Variants in BBS4 observed in about 807,000 individuals in gnomAD.
The protein encoded by BBS4 is BBSome complex member BBS4.
Under a neutral mutation model 71.4 loss-of-function variants are expected in BBS4, and 58 were observed. The ratio of observed to expected loss-of-function variants is 0.81; its 90% CI spans 0.66 to 1.01. The LOEUF is 1.01. BBS4 is among the 50% of genes least tolerant of loss of function. The probability of loss-of-function intolerance (pLI) is 0.00; values close to 1 mark genes in which losing one functional copy is unlikely to be tolerated. For missense variants in BBS4, 660 were observed against 607.9 expected (o/e 1.09, Z -0.90); for synonymous variants, 228 against 216.8 (o/e 1.05, Z -0.46).
rs1250520385 is a variant in BBS4, at chr15:72,735,098, C to G, written c.1037-15C>G. ...TAAGCTGAGCTCTCCAGCTGCAGTGCTTTCTTTGTTGCAGTGGCTCTGACC... is the reference window on the plus strand; with the variant it reads ...TAAGCTGAGCTCTCCAGCTGCAGTGGTTTCTTTGTTGCAGTGGCTCTGACC... On this transcript the variant is annotated splice_polypyrimidine_tract_variant and intron_variant, in intron 12 of 15. Transcript: ENST00000268057. The G allele has an allele frequency of 6.2e-7, 1 of 1,607,822 alleles. No individual in the cohort carries two copies. The highest frequency in any genetic ancestry group is 8.5e-7 in the Non-Finnish European group (1 of 1,174,448).
At chr15:72,710,394 G>A (rs2065347051) in intron 3 of BBS4, among the ~76,000 whole-genome samples, 1 of 151,806 alleles carries the variant, frequency 6.6e-6, no homozygotes, top group South Asian at 2.1e-4. Context: ...TAGAGATGGG[G>A]TTTCACCATA....
In BBS4 at chr15:72,689,154, A is replaced by T. The variant is rs552151451; in HGVS notation, c.24+2903A>T. Reference sequence around the variant, plus strand: ...TCTTAATTTCATAACACAAAGGAAAACATATAGATCCGTAGATAAGGATAT... The same window carrying T: ...TCTTAATTTCATAACACAAAGGAAATCATATAGATCCGTAGATAAGGATAT... On this transcript the variant is annotated intron_variant, in intron 1 of 15. Coordinates refer to ENST00000268057, the MANE Select transcript of BBS4 (RefSeq NM_033028.5). Among the ~76,000 whole-genome samples, 4 of 152,340 alleles carry T rather than the reference A, an allele frequency of 2.6e-5. No homozygotes were observed. In the East Asian group the frequency reaches 7.7e-4, roughly 29 times the overall value.
rs2065034376 is a variant in BBS4 at position 72,694,160 on chromosome 15, C to T, written c.25-1017C>T. On this transcript the variant is annotated intron_variant, in intron 1 of 15. Coordinates refer to ENST00000268057, the MANE Select transcript of BBS4 (RefSeq NM_033028.5). ...TTGGCCTCCCAAAGTGCTGCAATTA[C>T]AGGCATGAGGCACGGCGTCTGGCCT... is the stretch of plus-strand genomic sequence containing the variant. Among the ~76,000 whole-genome samples the T allele has an allele frequency of 4.0e-5, 6 of 150,818 alleles. No homozygotes were observed. In the Admixed American group the frequency reaches 4.0e-4, roughly 10 times the overall value.
Position 72,731,334 on chromosome 15 carries a change from G to A in BBS4, c.741G>A (p.Gln247=), listed in dbSNP as rs368525772. 3.0e-5 allele frequency: 48 copies of A among 1,614,012 alleles called. No individual in the cohort carries two copies. The highest frequency in any genetic ancestry group is 3.6e-5 in the Non-Finnish European group (43 of 1,180,032). Residue 247 remains glutamine (Q), a synonymous_variant, in exon 11 of 16, where the codon CAG becomes CAA. Transcript: ENST00000268057. ...KAILAAGSMM[Q]THGDFDVALT... is the part of the protein sequence containing the mutation. ...TCTTGGCAGCAGGCAGCATGATGCA[G>A]ACCCACGGGGACTTTGATGTTGCCC...
rs79153680 is a variant in BBS4, at chr15:72,708,359, G to A, written c.77-1341G>A. 9.8e-3 allele frequency among the ~76,000 whole-genome samples: 1,485 copies of A among 152,232 alleles called. 18 individuals are homozygous for A. Among genetic ancestry groups the A allele is most frequent in the African/African-American group, 0.034 (1,408 of 41,518 alleles). On this transcript the variant is annotated intron_variant, in intron 2 of 15. Transcript: ENST00000268057. ...CCGGCTGGAGCTGTGGCAGAGGAAC[G>A]TAAATTGTGATTATTTCATGGACAC...
chr15:72,730,442 A>T (rs1177201988), intron 10 of BBS4, among the ~76,000 whole-genome samples: 4 of 152,068 alleles, frequency 2.6e-5, no homozygotes, highest in Admixed American at 2.6e-4. Flanking sequence ...TACAAAAAAA[A>T]TTATCCAGGC....
rs1567436667 is a variant in BBS4 at position 72,737,803 on chromosome 15, T to C, written c.*216T>C. On this transcript the variant is annotated 3_prime_UTR_variant, in exon 16 of 16. Coordinates refer to ENST00000268057, the MANE Select transcript of BBS4 (RefSeq NM_033028.5). ...CTACTGCCCCATAAGCCAGGAAAAG[T>C]GAAAAGAGAACACAGTTCCTTTAAG... The C allele has an allele frequency of 6.9e-6, 4 of 578,452 alleles. No homozygotes were observed. Among genetic ancestry groups the C allele is most frequent in the Admixed American group, 4.3e-5 (2 of 46,126 alleles). 35.8% of individuals were successfully genotyped at this position (578,452 alleles called of 1,614,324 possible). A position where few individuals can be genotyped will look rare whatever the true frequency, so the allele number is the denominator to read the frequency against.
At chr15:72,727,850 T>G (rs1295042492) in intron 8 of BBS4, 90 bp from the exon 9 acceptor site, 1 of 992,558 alleles carries the variant, frequency 1.0e-6, no homozygotes, top group South Asian at 1.3e-5. Context: ...GTGGGGTCTG[T>G]CAAGTATTGC....
chr15:72,735,764 G>T, intron 13 of BBS4, 61 bp from the exon 14 acceptor site: 1 of 1,604,586 alleles, frequency 6.2e-7, no homozygotes. Flanking sequence ...TAATGAGAAG[G>T]ATCTCTAAAT....
chr15:72,723,548 C>T (rs953258783), intron 7 of BBS4, among the ~76,000 whole-genome samples: 2 of 152,118 alleles, frequency 1.3e-5, no homozygotes, highest in African/African-American at 2.4e-5. Flanking sequence ...TCCGATGCCA[C>T]CAGGACTGAG....
intron 2 of BBS4, chr15:72,697,932 A>G (rs2151000803): frequency 2.2e-6 from 1 of 455,222 alleles, no homozygotes; most frequent in East Asian, 7.0e-5. Flanking sequence ...TTCTGAGAAA[A>G]TAATATGCTA....
At chr15:72,726,275 C>G (rs1408500463) in intron 8 of BBS4, among the ~76,000 whole-genome samples, 2 of 151,872 alleles carry the variant, frequency 1.3e-5, no homozygotes, top group Non-Finnish European at 2.9e-5. Context: ...CCACCCCTGG[C>G]TAATGTTTGT....
At chr15:72,695,328 C>T in intron 2 of BBS4, 100 bp downstream of exon 2, 2 of 825,558 alleles carry the variant, frequency 2.4e-6, no homozygotes, top group Admixed American at 2.6e-5. Context: ...CTCACTGTCA[C>T]CCAGGCTGGA....
chr15:72,712,120 G>A, intron 3 of BBS4, 124 bp from the exon 4 acceptor site: 1 of 777,672 alleles, frequency 1.3e-6, no homozygotes, highest in South Asian at 1.5e-5. Context: ...GCCTGCCTTG[G>A]TCTCCCAAAG....
intron 13 of BBS4, 108 bp downstream of exon 13, chr15:72,735,290 T>A: frequency 1.2e-6 from 1 of 843,324 alleles, no homozygotes; most frequent in Admixed American, 2.0e-5. Context: ...GCTGTTCCTC[T>A]ATGGCATTAG....
At chr15:72,734,263 C>T (rs897197183) in intron 12 of BBS4, among the ~76,000 whole-genome samples, 4 of 152,166 alleles carry the variant, frequency 2.6e-5, no homozygotes, top group African/African-American at 9.7e-5. Context: ...GAAATGTAAA[C>T]AGCCATAATG....
intron 12 of BBS4, among the ~76,000 whole-genome samples, chr15:72,733,741 C>G (rs981640803): frequency 1.3e-5 from 2 of 152,176 alleles, no homozygotes; most frequent in African/African-American, 4.8e-5. Context: ...CACACACATG[C>G]ATGTGTCTTT....
Position 72,737,627 on chromosome 15 carries a change from G to A in BBS4, c.*40G>A, listed in dbSNP as rs749583872. 1.4e-5 allele frequency: 21 copies of A among 1,484,058 alleles called. No individual in the cohort carries two copies. Among genetic ancestry groups the A allele is most frequent in the African/African-American group, 8.3e-5 (6 of 71,914 alleles). The allele number at this position is 1,484,058 out of a possible 1,614,324, so 91.9% of individuals were successfully genotyped here. A position where few individuals can be genotyped will look rare whatever the true frequency, so the allele number is the denominator to read the frequency against. ...ACCCCAAAATAGGGTTTTCTTGGGC[G>A]AGGATGTGCTGGATTAGGAAAGGTG... On this transcript the variant is annotated 3_prime_UTR_variant, in exon 16 of 16. Transcript: ENST00000268057.
chr15:72,695,759 T>C (rs2065066017), intron 2 of BBS4, among the ~76,000 whole-genome samples: 1 of 152,244 alleles, frequency 6.6e-6, no homozygotes, highest in Non-Finnish European at 1.5e-5. Flanking sequence ...GTTTGATTAT[T>C]ATGTAAGTGT....
Sources: allele counts gnomAD v4.1 joint callset (sites outside exome capture counted in the v4.1 genomes callset), GRCh38; gene constraint gnomAD v4.1.1; transcripts MANE v1.5; gene names NCBI Gene and HGNC (gene_info 2026-07-23, HGNC 2026-07-21).